The following CRYBG2 variants were observed in gnomAD, a reference collection of about 807,000 sequenced individuals.
CRYBG2 encodes crystallin beta-gamma domain containing 2.
CRYBG2 carries 106 observed loss-of-function variants against 153.4 expected under a neutral mutation model. The ratio of observed to expected loss-of-function variants is 0.69; its 90% CI spans 0.59 to 0.81. CRYBG2 has a LOEUF of 0.81. CRYBG2 is among the 30% of genes least tolerant of loss of function. The pLI is 0.00. For missense variants in CRYBG2, 1,996 were observed against 2,112.0 expected, an observed-to-expected ratio of 0.95 and a Z score of 1.08; for synonymous variants, 851 against 877.8, an observed-to-expected ratio of 0.97 and a Z score of 0.54.
Position 26,344,257 on chromosome 1 carries a change from G to A in CRYBG2, c.2401C>T (p.Pro801Ser). Residue 801 changes from proline (P) to serine (S), a missense_variant, in exon 2 of 20, where the codon CCT becomes TCT. Physicochemically the swap from Pro to Ser is moderately conservative, Grantham distance 74 (BLOSUM62 -1). Transcript: ENST00000308182. ...CCCAGCTGGTCCTCCTCAATGGCAG[G>A]CAGCGTGGCGTACATGGACAGGTAG... Reference protein sequence around the residue: ...SSYLSMYATLPAIEEDQLGPW... With the variant: ...SSYLSMYATLSAIEEDQLGPW... 2 of 1,534,140 alleles carry A rather than the reference G, an allele frequency of 1.3e-6. No individual in the cohort carries two copies. Among genetic ancestry groups the A allele is most frequent in the Non-Finnish European group, 1.7e-6 (2 of 1,145,290 alleles).
At chr1:26,339,073 G>A (rs1482078065) in intron 6 of CRYBG2, among the ~76,000 whole-genome samples, 1 of 152,126 alleles carries the variant, frequency 6.6e-6, no homozygotes, top group Non-Finnish European at 1.5e-5. Context: ...CCTCCAGGAG[G>A]GTTTCTCTGA....
chr1:26,352,741 C>G (rs1182156627), intron 1 of CRYBG2, among the ~76,000 whole-genome samples: 1 of 145,420 alleles, frequency 6.9e-6, no homozygotes, highest in Non-Finnish European at 1.5e-5. Flanking sequence ...CTCCCCCCAG[C>G]TAACCCTACT....
At chr1:26,351,254 G>A (rs563079511) in intron 1 of CRYBG2, among the ~76,000 whole-genome samples, 11 of 152,168 alleles carry the variant, frequency 7.2e-5, no homozygotes, top group African/African-American at 1.7e-4. Context: ...TGCCCTCCTC[G>A]CTGGGACTCT....
At chr1:26,337,076 G>A (rs1161960467) in intron 10 of CRYBG2, 96 bp from the exon 11 acceptor site, 17 of 1,568,102 alleles carry the variant, frequency 1.1e-5, no homozygotes, top group Non-Finnish European at 1.5e-5. Context: ...GGGGAATTAG[G>A]GGTGAGGCTG....
Position 26,331,518 on chromosome 1 carries a change from C to A in CRYBG2, c.4285G>T (p.Val1429Phe), listed in dbSNP as rs1240785070. Residue 1429 changes from valine to phenylalanine, a missense_variant, in exon 15 of 20, where the codon GTC (valine) becomes TTC (phenylalanine). Coordinates refer to ENST00000308182, the MANE Select transcript of CRYBG2 (RefSeq NM_001039775.4). ...GATACCTTCTGGAGAGAGCCCAGGA[C>A]TGTGGAGGCGAGGCAGCCCATGGCC... ...LTAMGCLAST[V>F]LGSLQKVSLH... 12 of 1,613,986 alleles carry A rather than the reference C, an allele frequency of 7.4e-6. No homozygotes were observed. In the South Asian group the frequency reaches 1.3e-4, roughly 18 times the overall value.
chr1:26,328,076 A>G (rs2073953433), intron 17 of CRYBG2, 133 bp downstream of exon 17: 1 of 1,284,594 alleles, frequency 7.8e-7, no homozygotes, highest in Non-Finnish European at 1.0e-6. Flanking sequence ...AAGAGGAATG[A>G]CGATGTGGCA....
At chr1:26,323,798 A>G (rs1263718352) in intron 18 of CRYBG2, among the ~76,000 whole-genome samples, 1 of 151,948 alleles carries the variant, frequency 6.6e-6, no homozygotes, top group Non-Finnish European at 1.5e-5. Context: ...GTTTGGCCTC[A>G]AACTCCTGTC....
At chr1:26,329,807 G>A (rs369491674) in intron 15 of CRYBG2, among the ~76,000 whole-genome samples, 9 of 152,082 alleles carry the variant, frequency 5.9e-5, no homozygotes, top group South Asian at 2.1e-4. Flanking sequence ...GTGCAGTGGC[G>A]CAATCTCAGC....
At position 26,322,280 on chromosome 1, in the gene CRYBG2, G is replaced by A. The variant is rs1349105643; in HGVS notation, c.4781C>T (p.Pro1594Leu). The A allele has an allele frequency of 1.9e-6, 3 of 1,613,748 alleles. No individual in the cohort carries two copies. Among genetic ancestry groups the A allele is most frequent in the East Asian group, 4.5e-5 (2 of 44,902 alleles). ...GGCCCACAGCACCACCTTGGAGCCT[G>A]GGCTAGGGGGTCCAATCACCTGTAG... ...MSLQVIGPPSPGSKVVLWAES... is the reference protein window; with the variant it reads ...MSLQVIGPPSLGSKVVLWAES... The change falls in exon 19 of 20, where the codon CCA becomes CTA. Residue 1594 changes from proline (P) to leucine (L), a missense_variant. Pro to Leu is a moderately conservative substitution (Grantham distance 98, BLOSUM62 -3). Transcript: ENST00000308182.
rs2073920162 is a variant in CRYBG2, at chr1:26,325,957, C to G, written c.4579-1647G>C. ...CGCTCTGTCACCCACGCTGGAGTAC[C>G]AGTGGAGCCATCATGGCTCACTGTA... On this transcript the variant is annotated intron_variant, in intron 17 of 19. Transcript: ENST00000308182. The surrounding 1 kb of genome is among the most constrained non-coding windows in gnomAD (Gnocchi z 4.1). 6.6e-6 allele frequency among the ~76,000 whole-genome samples: 1 copy of G among 152,022 alleles called. No individual in the cohort carries two copies. The highest frequency in any genetic ancestry group is 6.6e-5 in the Admixed American group (1 of 15,236).
intron 5 of CRYBG2, among the ~76,000 whole-genome samples, chr1:26,342,050 G>A (rs952023002): frequency 1.3e-5 from 2 of 152,202 alleles, no homozygotes; most frequent in South Asian, 2.1e-4. Flanking sequence ...GCCTGGCACC[G>A]GTGCCTGGCA....
chr1:26,328,652 C>A, intron 16 of CRYBG2, 82 bp downstream of exon 16: 1 of 1,512,132 alleles, frequency 6.6e-7, no homozygotes. Flanking sequence ...GGGAAAGAGG[C>A]CAGAGACCCC....
intron 5 of CRYBG2, among the ~76,000 whole-genome samples, chr1:26,340,242 A>G (rs1232205818): frequency 6.6e-6 from 1 of 152,200 alleles, no homozygotes; most frequent in African/African-American, 2.4e-5. Context: ...CGAAGCATCT[A>G]CTGCATGCAA....
chr1:26,347,692 G>A (rs1035004822), intron 1 of CRYBG2, among the ~76,000 whole-genome samples: 2 of 151,914 alleles, frequency 1.3e-5, no homozygotes, highest in African/African-American at 2.4e-5. Flanking sequence ...GGGTTTCGCC[G>A]TGTTAGCCAG....
intron 18 of CRYBG2, among the ~76,000 whole-genome samples, chr1:26,322,976 G>A (rs1040602456): frequency 1.3e-5 from 2 of 152,134 alleles, no homozygotes; most frequent in African/African-American, 4.8e-5. Flanking sequence ...TGCACTGGCT[G>A]TTCCCTCTGC....
rs777505563 is a variant in CRYBG2 at position 26,324,239 on chromosome 1, G to A, written c.4650C>T (p.Asp1550=). The change falls in exon 18 of 20, where the codon GAC becomes GAT. Residue 1550 remains aspartate, a synonymous_variant. Transcript: ENST00000308182. Reference sequence around the variant, plus strand: ...CGACCACCACACGGCCTGCTTTCATGTCCTCCACATGGTCCGGCACTGCCA... The same window carrying A: ...CGACCACCACACGGCCTGCTTTCATATCCTCCACATGGTCCGGCACTGCCA... ...GFLAVPDHVE[D]MKAGRVVVAD... The A allele has an allele frequency of 3.1e-6, 5 of 1,612,702 alleles. No homozygotes were observed. The highest frequency in any genetic ancestry group is 1.7e-5 in the Admixed American group (1 of 59,962).
intron 5 of CRYBG2, among the ~76,000 whole-genome samples, chr1:26,341,340 CA>C (rs1260268516): frequency 1.3e-5 from 2 of 148,378 alleles, no homozygotes; most frequent in Non-Finnish European, 3.0e-5. Context: ...GACTCTGTCT[CA>C]AAAAAAAATA....
In CRYBG2 at chr1:26,345,989, GCCC is replaced by G; in HGVS notation, c.666_668del (p.Gly223del). 6.3e-7 allele frequency: 1 copy of G among 1,593,718 alleles called. No individual in the cohort carries two copies. The highest frequency in any genetic ancestry group is 8.5e-7 in the Non-Finnish European group (1 of 1,177,388). On this transcript the variant is annotated inframe_deletion, in exon 2 of 20. Coordinates refer to ENST00000308182, the MANE Select transcript of CRYBG2 (RefSeq NM_001039775.4). ...TGCGGCTGGGCGAGCCTGGTGGGGA[GCCC>G]ACCACCACTGGCGGCACCATGCGGG...
intron 6 of CRYBG2, among the ~76,000 whole-genome samples, 179 bp downstream of exon 6, chr1:26,339,111 G>C (rs11247921): frequency 0.21 from 32,593 of 152,080 alleles, 3,618 homozygotes; most frequent in South Asian, 0.25. Flanking sequence ...TCATGGTATG[G>C]TGTTTTTCTG....
Sources: allele counts gnomAD v4.1 joint callset (sites outside exome capture counted in the v4.1 genomes callset), GRCh38; gene constraint gnomAD v4.1.1; non-coding constraint Gnocchi (gnomAD v3.1); transcripts MANE v1.5; gene names NCBI Gene and HGNC (gene_info 2026-07-23, HGNC 2026-07-21).